Variants in PASK observed in about 807,000 individuals in gnomAD.
PASK encodes the protein PAS domain containing serine/threonine kinase, also known as PAS domain-containing serine/threonine-protein kinase.
In PASK, 110 loss-of-function variants were observed where a neutral mutation model predicts 121.0. That is an observed-to-expected ratio of 0.91 (90% CI 0.78 to 1.06). The LOEUF (loss-of-function observed/expected upper bound fraction) is 1.06, where lower values mean the gene tolerates loss of function less well. Among genes scored for constraint, PASK ranks in the 50% least tolerant of loss-of-function variants. The pLI is 0.00. For missense variants in PASK, 1,643 were observed against 1,702.3 expected, an observed-to-expected ratio of 0.97 and a Z score of 0.61; for synonymous variants, 686 against 717.8, an observed-to-expected ratio of 0.96 and a Z score of 0.71.
intron 4 of PASK, among the ~76,000 whole-genome samples, 168 bp from the exon 5 acceptor site, chr2:241,138,962 T>A (rs567341291): frequency 6.6e-6 from 1 of 152,392 alleles, no homozygotes; most frequent in East Asian, 1.9e-4. Context: ...AGATTTCCCA[T>A]ACTGAACATT....
chr2:241,149,698 G>T (rs911008489), upstream of PASK: 2 of 1,550,996 alleles, frequency 1.3e-6, no homozygotes, highest in African/African-American at 1.4e-5. Context: ...CCCGACTCGC[G>T]ATCAAAATGG....
intron 14 of PASK, chr2:241,113,218 T>C (rs1164660513): frequency 6.6e-6 from 1 of 152,366 alleles, no homozygotes; most frequent in East Asian, 1.9e-4. Flanking sequence ...ACTTAGTGAC[T>C]TCATGGATGT....
intron 14 of PASK, chr2:241,113,268 GAGTATCTTT>G (rs2065180753): frequency 6.6e-6 from 1 of 152,176 alleles, no homozygotes; most frequent in Non-Finnish European, 1.5e-5. Flanking sequence ...ATTTACAAAT[GAGTATCTTT>G]CAAATCAGGA....
chr2:241,126,764 GGC>G lies in PASK; in HGVS notation c.2149_2150del (p.Ala717LeufsTer18). ...GGCCCCCAGGGAGGTCCGTGGCCAA[GGC>G]ATAGCAGGCTGAGGAGCTGCCCGTG... is the stretch of plus-strand genomic sequence containing the variant. Reference protein sequence around the residue: ...GCTGSSSACYALATDLPGGLE... With the variant: ...GCTGSSSACYXLATDLPGGLE... On this transcript the variant is annotated frameshift_variant, in exon 10 of 18. Coordinates refer to ENST00000234040, the MANE Select transcript of PASK (RefSeq NM_015148.4). LOFTEE classifies it high-confidence loss of function. 5 of 1,614,080 alleles carry G rather than the reference GGC, an allele frequency of 3.1e-6. No individual in the cohort carries two copies. The highest frequency in any genetic ancestry group is 4.2e-6 in the Non-Finnish European group (5 of 1,180,036).
intron 9 of PASK, 140 bp from the exon 10 acceptor site, chr2:241,127,591 A>G: frequency 2.8e-6 from 2 of 725,948 alleles, no homozygotes; most frequent in Non-Finnish European, 4.8e-6. Flanking sequence ...AAATTTTGTG[A>G]CCAAGTTAAA....
Position 241,116,164 on chromosome 2 carries a change from C to G in PASK, c.3073-751G>C, listed in dbSNP as rs902056338. Among the ~76,000 whole-genome samples the G allele has an allele frequency of 9.6e-5, 14 of 145,494 alleles. 1 individual carries two copies. Among genetic ancestry groups the G allele is most frequent in the Admixed American group, 3.4e-4 (5 of 14,790 alleles). On this transcript the variant is annotated intron_variant, in intron 12 of 17. Coordinates refer to ENST00000234040, the MANE Select transcript of PASK (RefSeq NM_015148.4). ...CCAGTCCTCAAGCATCCCATTCCAC[C>G]AGGGCCACCCAGTCCTCAAGCATCC...
rs534829385 is a variant in PASK, at chr2:241,121,910, C to T, written c.3072+822G>A. Reference sequence around the variant, plus strand: ...TAGGTAGAGACTTCAAAACATAATACAAGCATCAACAAATTTAAAGAAACT... The same window carrying T: ...TAGGTAGAGACTTCAAAACATAATATAAGCATCAACAAATTTAAAGAAACT... On this transcript the variant is annotated intron_variant, in intron 12 of 17. Coordinates refer to ENST00000234040, the MANE Select transcript of PASK (RefSeq NM_015148.4). Among the ~76,000 whole-genome samples the T allele has an allele frequency of 5.9e-5, 9 of 152,246 alleles. No homozygotes were observed. In the East Asian group the frequency reaches 1.3e-3, roughly 23 times the overall value.
chr2:241,150,132 C>T (rs2067217175), upstream of PASK: 1 of 1,265,260 alleles, frequency 7.9e-7, no homozygotes, highest in Non-Finnish European at 1.0e-6. Context: ...CCTCCGAGGT[C>T]GAGACAGTGA....
At chr2:241,111,167 T>C (rs1261674085) in intron 15 of PASK, among the ~76,000 whole-genome samples, 2 of 152,144 alleles carry the variant, frequency 1.3e-5, no homozygotes, top group African/African-American at 2.4e-5. Flanking sequence ...AGGCACGGCA[T>C]GGAGCTCGTG....
At chr2:241,115,509 C>T in intron 12 of PASK, 96 bp from the exon 13 acceptor site, 1 of 1,430,490 alleles carries the variant, frequency 7.0e-7, no homozygotes, top group Non-Finnish European at 9.8e-7. Context: ...TCCCATTACA[C>T]CAGGGCCACC....
Position 241,140,593 on chromosome 2 carries a change from G to A in PASK, c.357C>T (p.Ser119=), listed in dbSNP as rs2066657114. The A allele has an allele frequency of 6.2e-7, 1 of 1,614,006 alleles. No homozygotes were observed. The highest frequency in any genetic ancestry group is 1.3e-5 in the African/African-American group (1 of 74,902). ...ACACAGGGGCCGGAAGCAGAGGTGAGGACCACCCTGAGGACAGTCCCCGCA... is the reference window on the plus strand; with the variant it reads ...ACACAGGGGCCGGAAGCAGAGGTGAAGACCACCCTGAGGACAGTCCCCGCA... ...SLLRGLSSGW[S]SPLLPAPVCN... is the part of the protein sequence containing the mutation. The change falls in exon 3 of 18, where the codon TCC becomes TCT. Residue 119 remains serine, a synonymous_variant. Coordinates refer to ENST00000234040, the MANE Select transcript of PASK (RefSeq NM_015148.4).
At chr2:241,147,581 A>G (rs976185172) in intron 1 of PASK, among the ~76,000 whole-genome samples, 1 of 152,192 alleles carries the variant, frequency 6.6e-6, no homozygotes, top group Non-Finnish European at 1.5e-5. Flanking sequence ...ACACAGCACC[A>G]CTGCACTCCA....
rs1347710214 is a variant in PASK, at chr2:241,135,927, C to T, written c.1250G>A (p.Cys417Tyr). The T allele has an allele frequency of 1.2e-6, 2 of 1,614,228 alleles. No individual in the cohort carries two copies. The highest frequency in any genetic ancestry group is 1.7e-5 in the Admixed American group (1 of 60,034). ...CCACGGGTCCAAGGTTCTCTCCCCA[C>T]ACCCACTCTCATTGCCGACGTCCAG... is the stretch of plus-strand genomic sequence containing the variant. The part of the protein sequence containing the change: ...SCLDVGNESG[C>Y]GERTLDPWQG... Residue 417 changes from cysteine to tyrosine, a missense_variant, in exon 8 of 18, where the codon TGT becomes TAT. Cys to Tyr is a radical substitution (Grantham distance 194). Around this residue, in one of 3 missense-constraint regions of PASK, gnomAD observed 1,176 missense variants for 1,162.2 expected, o/e 1.01. Transcript: ENST00000234040.
At chr2:241,144,164 G>A (rs771672020) in intron 1 of PASK, among the ~76,000 whole-genome samples, 3 of 152,144 alleles carry the variant, frequency 2.0e-5, no homozygotes, top group East Asian at 1.9e-4. Context: ...GTGTGTGCGC[G>A]CATGTGAGCA....
chr2:241,106,184 G>A lies in PASK; in HGVS notation c.*382C>T, dbSNP rs989655758. The A allele has an allele frequency of 7.3e-6, 2 of 275,186 alleles. No homozygotes were observed. The highest frequency in any genetic ancestry group is 1.0e-4 in the Admixed American group (2 of 20,042). 17.0% of individuals were successfully genotyped at this position (275,186 alleles called of 1,614,324 possible). On this transcript the variant is annotated 3_prime_UTR_variant, in exon 18 of 18. Coordinates refer to ENST00000234040, the MANE Select transcript of PASK (RefSeq NM_015148.4). The stretch of plus-strand genomic sequence containing the variant: ...AATAGTCTGGCCATTTGACTAACCA[G>A]TTCTACAAATTTCACATATCCGTCA...
chr2:241,142,832 A>T lies in PASK; in HGVS notation c.196+5T>A. On this transcript the variant is annotated splice_donor_5th_base_variant and intron_variant, in intron 2 of 17. Coordinates refer to ENST00000234040, the MANE Select transcript of PASK (RefSeq NM_015148.4). The stretch of plus-strand genomic sequence containing the variant: ...CTAAGGCCTGCAGTGGTCGAAGGTC[A>T]TTACCAGAGAGCGCTGTCCTGCTCT... 1 of 1,606,802 alleles carries T rather than the reference A, an allele frequency of 6.2e-7. No homozygotes were observed.
intron 11 of PASK, among the ~76,000 whole-genome samples, chr2:241,123,686 C>T (rs187494698): frequency 1.3e-5 from 2 of 152,064 alleles, no homozygotes; most frequent in South Asian, 2.1e-4. Context: ...GGCGTGGTGG[C>T]GCGTGCCTGT....
At chr2:241,124,561 G>A (rs78239325) in intron 10 of PASK, among the ~76,000 whole-genome samples, 3,707 of 152,316 alleles carry the variant, frequency 0.024, 153 homozygotes, top group African/African-American at 0.085. Flanking sequence ...TACATTAAAA[G>A]CATGTACACA....
At chr2:241,113,428 T>TTATA (rs2065191040) in intron 14 of PASK, 4 of 138,684 alleles carry the variant, frequency 2.9e-5, no homozygotes, top group South Asian at 2.2e-4. Context: ...ACCTGCATAT[T>TTATA]TATACATACA....
Sources: allele counts gnomAD v4.1 joint callset (sites outside exome capture counted in the v4.1 genomes callset), GRCh38; gene constraint gnomAD v4.1.1; regional missense constraint gnomAD v4.1.1; transcripts MANE v1.5; gene names NCBI Gene and HGNC (gene_info 2026-07-23, HGNC 2026-07-21).